Variants in PRIMPOL observed in about 807,000 individuals in gnomAD.
PRIMPOL encodes primase and DNA directed polymerase, also known as DNA-directed primase/polymerase protein.
In PRIMPOL, 54 loss-of-function variants were observed where a neutral mutation model predicts 63.6. That is an observed-to-expected ratio of 0.85 (90% confidence interval 0.68 to 1.07). The LOEUF is 1.07. Among genes scored for constraint, PRIMPOL ranks in the 50% least tolerant of loss-of-function variants. The pLI, the probability that PRIMPOL is intolerant of heterozygous loss-of-function variation, is 0.00. For synonymous variants in PRIMPOL, 197 were observed against 220.2 expected (o/e 0.89, Z 0.93); for missense variants, 610 against 648.3 (o/e 0.94, Z 0.64).
At chr4:184,664,527 C>G (rs143164633) in intron 5 of PRIMPOL, among the ~76,000 whole-genome samples, 7 of 152,242 alleles carry the variant, frequency 4.6e-5, no homozygotes, top group Non-Finnish European at 1.0e-4. Context: ...AAGATGTTGC[C>G]TTCTTCCATT....
chr4:184,652,588 A>G (rs1208355953), intron 2 of PRIMPOL, among the ~76,000 whole-genome samples: 1 of 152,222 alleles, frequency 6.6e-6, no homozygotes, highest in African/African-American at 2.4e-5. Flanking sequence ...CCAGAAAGTG[A>G]ACTTATATAA....
At chr4:184,673,191 A>G (rs959838201) in intron 7 of PRIMPOL, among the ~76,000 whole-genome samples, 4 of 148,000 alleles carry the variant, frequency 2.7e-5, no homozygotes, top group South Asian at 4.2e-4. Context: ...CTGCAGTGGC[A>G]CAATCTCAGC....
intron 13 of PRIMPOL, among the ~76,000 whole-genome samples, chr4:184,693,419 A>G (rs561569956): frequency 6.6e-6 from 1 of 152,298 alleles, no homozygotes; most frequent in South Asian, 2.1e-4. Context: ...TGAAAGTACC[A>G]TTGGTCAGTA....
At chr4:184,679,351 G>C (rs1754982338) in intron 8 of PRIMPOL, among the ~76,000 whole-genome samples, 1 of 152,158 alleles carries the variant, frequency 6.6e-6, no homozygotes, top group Admixed American at 6.6e-5. Context: ...AGCTACCCAG[G>C]AGGCTGAGGT....
At chr4:184,653,572 G>A (rs1006594961) in intron 2 of PRIMPOL, among the ~76,000 whole-genome samples, 78 of 152,266 alleles carry the variant, frequency 5.1e-4, no homozygotes, top group African/African-American at 1.8e-3. Flanking sequence ...GGCTGGTCTC[G>A]AACTCCTGAC....
intron 1 of PRIMPOL, among the ~76,000 whole-genome samples, chr4:184,651,607 C>T (rs189156553): frequency 1.3e-5 from 2 of 152,190 alleles, no homozygotes; most frequent in Non-Finnish European, 2.9e-5. Flanking sequence ...GCATTAGCAG[C>T]AGTTTTCTGG....
At chr4:184,678,982 AAAG>A (rs1258103370) in intron 8 of PRIMPOL, among the ~76,000 whole-genome samples, 17 of 152,264 alleles carry the variant, frequency 1.1e-4, no homozygotes, top group South Asian at 4.2e-4. Flanking sequence ...TCACTTCTGT[AAAG>A]AAGAAAACAA....
intron 2 of PRIMPOL, among the ~76,000 whole-genome samples, chr4:184,653,360 A>G (rs967131604): frequency 6.6e-6 from 1 of 152,190 alleles, no homozygotes; most frequent in East Asian, 1.9e-4. Flanking sequence ...TTCTCCCACT[A>G]TAGTTACTCG....
intron 1 of PRIMPOL, among the ~76,000 whole-genome samples, chr4:184,650,308 G>T (rs570470692): frequency 6.6e-6 from 1 of 152,354 alleles, no homozygotes; most frequent in Admixed American, 6.5e-5. Context: ...AATCCAGAGG[G>T]AGTGAAGAAG....
intron 6 of PRIMPOL, among the ~76,000 whole-genome samples, chr4:184,667,185 C>T (rs1750161209): frequency 6.6e-6 from 1 of 152,156 alleles, no homozygotes; most frequent in Admixed American, 6.5e-5. Context: ...ACAAGGCTCT[C>T]GTCACCTGCC....
At chr4:184,658,033 A>AATAAATAC (rs1323879634) in intron 3 of PRIMPOL, among the ~76,000 whole-genome samples, 4 of 145,110 alleles carry the variant, frequency 2.8e-5, no homozygotes, top group African/African-American at 1.1e-4. Flanking sequence ...TAAATAAATA[A>AATAAATAC]ATATCACTAA....
intron 13 of PRIMPOL, among the ~76,000 whole-genome samples, chr4:184,692,058 G>C (rs549607281): frequency 6.6e-6 from 1 of 152,280 alleles, no homozygotes; most frequent in East Asian, 1.9e-4. Flanking sequence ...GTAGAATTGT[G>C]TCAAAGGGCA....
In PRIMPOL at chr4:184,657,285, G is replaced by T; in HGVS notation, c.145G>T (p.Ala49Ser). Residue 49 changes from alanine (A) to serine (S), a missense_variant, in exon 3 of 14, where the codon GCT becomes TCT. Physicochemically the swap from Ala to Ser is moderately conservative, Grantham distance 99. Around this residue, in one of 3 missense-constraint regions of PRIMPOL, gnomAD observed 159 missense variants for 168.9 expected, o/e 0.94. Coordinates refer to ENST00000314970, the MANE Select transcript of PRIMPOL (RefSeq NM_152683.4). ...PSIWRLFHRQ[A>S]QAFNFVKSCK... ...CATCTGGAGACTATTTCATCGACAAGCTCAAGCTTTTAATTTTGTTAAAAG... is the reference window on the plus strand; with the variant it reads ...CATCTGGAGACTATTTCATCGACAATCTCAAGCTTTTAATTTTGTTAAAAG... 6.2e-7 allele frequency: 1 copy of T among 1,611,690 alleles called. No homozygotes were observed.
Position 184,694,858 on chromosome 4 carries a change from C to T in PRIMPOL, c.*79C>T. On this transcript the variant is annotated 3_prime_UTR_variant, in exon 14 of 14. Coordinates refer to ENST00000314970, the MANE Select transcript of PRIMPOL (RefSeq NM_152683.4). The stretch of plus-strand genomic sequence containing the variant: ...GAGATTTGATAAATATATCATTCAA[C>T]CTGTTTATATAAACTAAGTTTTATT... 1 of 1,234,246 alleles carries T rather than the reference C, an allele frequency of 8.1e-7. No homozygotes were observed. Among genetic ancestry groups the T allele is most frequent in the South Asian group, 1.5e-5 (1 of 68,282 alleles). 76.5% of individuals were successfully genotyped at this position (1,234,246 alleles called of 1,614,324 possible).
At chr4:184,669,504 A>G (rs1183965669) in intron 6 of PRIMPOL, among the ~76,000 whole-genome samples, 2 of 152,218 alleles carry the variant, frequency 1.3e-5, no homozygotes, top group African/African-American at 2.4e-5. Context: ...CTTGCCGTGT[A>G]CTGGTCATCG....
intron 7 of PRIMPOL, among the ~76,000 whole-genome samples, chr4:184,675,483 G>GT (rs1753046105): frequency 6.6e-6 from 1 of 152,000 alleles, no homozygotes; most frequent in Non-Finnish European, 1.5e-5. Flanking sequence ...CGGTTCATCT[G>GT]TGAGTTTTCT....
At chr4:184,657,988 C>T (rs1453442370) in intron 3 of PRIMPOL, among the ~76,000 whole-genome samples, 1 of 116,350 alleles carries the variant, frequency 8.6e-6, no homozygotes, top group Non-Finnish European at 1.8e-5. Context: ...AGCGAAACTC[C>T]ATCTCAAAAA....
chr4:184,659,594 G>A (rs1012292133), intron 4 of PRIMPOL, among the ~76,000 whole-genome samples, 157 bp downstream of exon 4: 6 of 152,166 alleles, frequency 3.9e-5, no homozygotes, highest in African/African-American at 1.4e-4. Flanking sequence ...TCTTGTCATA[G>A]CAATGCTTGA....
In PRIMPOL at chr4:184,694,697, C is replaced by T; in HGVS notation, c.1601C>T (p.Ala534Val). ...ACTGAAGATGCTGAATTAGCTGAAG[C>T]TGCAGAGAACAGTCTTCTCAGTTAT... ...EATEDAELAE[A>V]AENSLLSYNS... Residue 534 changes from alanine to valine, a missense_variant, in exon 14 of 14, where the codon GCT (alanine) becomes GTT (valine). Ala to Val is a moderately conservative substitution (Grantham distance 64). Coordinates refer to ENST00000314970, the MANE Select transcript of PRIMPOL (RefSeq NM_152683.4). The T allele has an allele frequency of 6.2e-7, 1 of 1,613,678 alleles. No individual in the cohort carries two copies. Among genetic ancestry groups the T allele is most frequent in the Non-Finnish European group, 8.5e-7 (1 of 1,179,574 alleles).
Sources: allele counts gnomAD v4.1 joint callset (sites outside exome capture counted in the v4.1 genomes callset), GRCh38; gene constraint gnomAD v4.1.1; regional missense constraint gnomAD v4.1.1; transcripts MANE v1.5; gene names NCBI Gene and HGNC (gene_info 2026-07-23, HGNC 2026-07-21).